Variants in TIAM2 observed in about 807,000 individuals in gnomAD.
TIAM2 encodes the protein rho guanine nucleotide exchange factor TIAM2.
In TIAM2, 80 loss-of-function variants were observed where a neutral mutation model predicts 152.9. The ratio of observed to expected loss-of-function variants is 0.52; its 90% CI spans 0.44 to 0.63. The LOEUF (loss-of-function observed/expected upper bound fraction) is 0.63, where lower values mean the gene tolerates loss of function less well. Ranked by LOEUF, TIAM2 falls within the 30% of genes least tolerant of loss-of-function variation. TIAM2 has a pLI of 0.00. For missense variants in TIAM2, 1,965 were observed against 2,120.1 expected, an observed-to-expected ratio of 0.93 and a Z score of 1.44; for synonymous variants, 804 against 838.0, an observed-to-expected ratio of 0.96 and a Z score of 0.70.
At position 155,125,544 on chromosome 6, in the gene TIAM2, G is replaced by T. The variant is rs542879808; in HGVS notation, c.-117-1946G>T. Among the ~76,000 whole-genome samples, 19 of 151,970 alleles carry T rather than the reference G, an allele frequency of 1.3e-4. No individual in the cohort carries two copies. The South Asian group carries it at 1.5e-3, about 12-fold the overall frequency. ...GAAAACAGTATGGCGGTTCTGTAAA[G>T]AATTAAAAATAGGGCTGGGCGCGGT... On this transcript the variant is annotated intron_variant, in intron 2 of 26. Transcript: ENST00000682666.
At chr6:155,203,268 C>G (rs2115192498) in intron 14 of TIAM2, among the ~76,000 whole-genome samples, 1 of 152,150 alleles carries the variant, frequency 6.6e-6, no homozygotes, top group Admixed American at 6.5e-5. Context: ...TTAATCTTTT[C>G]TTAAAATTAC....
intron 1 of TIAM2, among the ~76,000 whole-genome samples, chr6:155,089,265 T>G (rs1283952743): frequency 6.6e-6 from 1 of 152,088 alleles, no homozygotes; most frequent in African/African-American, 2.4e-5. Context: ...TCACCCAGGC[T>G]GGAGTGCAGT....
chr6:155,199,081 T>TC (rs397723073), intron 14 of TIAM2, among the ~76,000 whole-genome samples: 2 of 151,720 alleles, frequency 1.3e-5, no homozygotes, highest in Non-Finnish European at 2.9e-5. Flanking sequence ...TTTTTTTTTT[T>TC]AATTACAAAA....
intron 9 of TIAM2, among the ~76,000 whole-genome samples, chr6:155,167,801 T>C (rs1047193034): frequency 2.6e-5 from 4 of 152,202 alleles, no homozygotes; most frequent in Admixed American, 1.3e-4. Context: ...CGAGCACTTA[T>C]GTTTTGTGAA....
intron 1 of TIAM2, among the ~76,000 whole-genome samples, chr6:155,001,391 A>T (rs1055693893): frequency 6.6e-6 from 1 of 152,186 alleles, no homozygotes; most frequent in Non-Finnish European, 1.5e-5. Context: ...CATGCCCTTA[A>T]TTGTAAACAA....
chr6:155,187,460 C>T (rs112212165), intron 14 of TIAM2, among the ~76,000 whole-genome samples: 9 of 152,016 alleles, frequency 5.9e-5, no homozygotes, highest in African/African-American at 2.2e-4. Context: ...CTTCCTAGTG[C>T]CCAAGACTCA....
Position 155,248,165 on chromosome 6 carries a change from A to G in TIAM2, c.3818A>G (p.His1273Arg). ...VSLTDQESEE[H>R]YHLTEALKAM... The stretch of plus-strand genomic sequence containing the variant: ...CTGACGGACCAGGAGAGCGAGGAGC[A>G]CTACCACCTGACGGGTGAGGCGGCG... The change falls in exon 20 of 27, where the codon CAC becomes CGC. Residue 1273 changes from histidine to arginine, a missense_variant. Coordinates refer to ENST00000682666, the MANE Select transcript of TIAM2 (RefSeq NM_012454.4). 1.2e-6 allele frequency: 2 copies of G among 1,613,742 alleles called. No individual in the cohort carries two copies. The highest frequency in any genetic ancestry group is 2.2e-5 in the South Asian group (2 of 91,086).
At chr6:155,056,463 C>T (rs1583170735) in intron 1 of TIAM2, among the ~76,000 whole-genome samples, 5 of 151,830 alleles carry the variant, frequency 3.3e-5, no homozygotes, top group East Asian at 2.0e-4. Flanking sequence ...TGAGCCACCG[C>T]GCCTGGCCCT....
intron 1 of TIAM2, among the ~76,000 whole-genome samples, chr6:154,998,562 AT>A (rs1160107120): frequency 6.6e-6 from 1 of 152,144 alleles, no homozygotes; most frequent in Non-Finnish European, 1.5e-5. Context: ...ATCTGGTGGC[AT>A]TTTTCAAGCT....
Position 155,248,153 on chromosome 6 carries a change from A to G in TIAM2, c.3806A>G (p.Glu1269Gly), listed in dbSNP as rs1783441519. ...GAGCTGGTGTCCCTGACGGACCAGG[A>G]GAGCGAGGAGCACTACCACCTGACG... ...LKELVSLTDQ[E>G]SEEHYHLTEA... Residue 1269 changes from glutamate to glycine, a missense_variant, in exon 20 of 27, where the codon GAG (glutamate) becomes GGG (glycine). By Grantham distance (98) the Glu-to-Gly change is moderately conservative. This residue lies in a region of TIAM2 where 935 missense variants were observed against 980.0 expected (regional missense o/e 0.95). Coordinates refer to ENST00000682666, the MANE Select transcript of TIAM2 (RefSeq NM_012454.4). 1.2e-6 allele frequency: 2 copies of G among 1,613,978 alleles called. No homozygotes were observed. The highest frequency in any genetic ancestry group is 8.5e-7 in the Non-Finnish European group (1 of 1,180,010).
At chr6:155,029,447 AGTATATATT>A (rs1776755549) in intron 1 of TIAM2, among the ~76,000 whole-genome samples, 1 of 44,858 alleles carries the variant, frequency 2.2e-5, no homozygotes, top group East Asian at 4.0e-4. Context: ...ATTATACTAT[AGTATATATT>A]ATATATAATA....
chr6:155,015,212 A>G (rs1778552377), intron 1 of TIAM2, among the ~76,000 whole-genome samples: 1 of 152,028 alleles, frequency 6.6e-6, no homozygotes, highest in Non-Finnish European at 1.5e-5. Context: ...AAAAAATGAC[A>G]CTGGGCATTC....
chr6:155,130,244 G>T lies in TIAM2; in HGVS notation c.1021G>T (p.Val341Leu). The T allele has an allele frequency of 6.2e-7, 1 of 1,614,114 alleles. No individual in the cohort carries two copies. The highest frequency in any genetic ancestry group is 1.1e-5 in the South Asian group (1 of 91,080). Residue 341 changes from valine (V) to leucine (L), a missense_variant, in exon 4 of 27, where the codon GTG becomes TTG. This residue lies in a region of TIAM2 where 1,025 missense variants were observed against 1,119.4 expected (regional missense o/e 0.92). Transcript: ENST00000682666. Reference protein sequence around the residue: ...NRVSFASDIDVPSRVAHGDPI... With the variant: ...NRVSFASDIDLPSRVAHGDPI... Reference sequence around the variant, plus strand: ...TGTCTCTTTTGCTTCCGACATTGATGTGCCCTCCAGAGTGGCACACGGGGA... The same window carrying T: ...TGTCTCTTTTGCTTCCGACATTGATTTGCCCTCCAGAGTGGCACACGGGGA...
rs145582611 is a variant in TIAM2 at position 155,054,278 on chromosome 6, T to C, written c.-208-36011T>C. ...GTACTCTGTGCACTGATGTCATTTG[T>C]CCTCTAATCCTTCTCACCTTACAGG... is the stretch of plus-strand genomic sequence containing the variant. On this transcript the variant is annotated intron_variant, in intron 1 of 26. Transcript: ENST00000682666. Among the ~76,000 whole-genome samples the C allele has an allele frequency of 5.3e-5, 8 of 152,300 alleles. No individual in the cohort carries two copies. In the East Asian group the frequency reaches 1.4e-3, roughly 26 times the overall value.
At chr6:155,096,714 A>G (rs1778425767) in intron 2 of TIAM2, among the ~76,000 whole-genome samples, 1 of 152,210 alleles carries the variant, frequency 6.6e-6, no homozygotes, top group Non-Finnish European at 1.5e-5. Flanking sequence ...ATAATAATCC[A>G]TTATGTATAT....
At chr6:155,073,757 A>G (rs1367667247) in intron 1 of TIAM2, among the ~76,000 whole-genome samples, 1 of 152,212 alleles carries the variant, frequency 6.6e-6, no homozygotes, top group East Asian at 1.9e-4. Context: ...TACGATTTCT[A>G]CTTCAAACGT....
rs573010559 is a variant in TIAM2, at chr6:155,085,887, A to G, written c.-208-4402A>G. 2.3e-4 allele frequency among the ~76,000 whole-genome samples: 35 copies of G among 152,342 alleles called. No individual in the cohort carries two copies. In the South Asian group the frequency reaches 7.3e-3, roughly 32 times the overall value. On this transcript the variant is annotated intron_variant, in intron 1 of 26. Transcript: ENST00000682666. ...GCACTCTTTGTGTAAGCAAAAGCAT[A>G]GCATTGCTTGAGTTTTATTATAGAT...
intron 14 of TIAM2, among the ~76,000 whole-genome samples, chr6:155,194,499 T>G (rs1006558629): frequency 9.9e-5 from 15 of 151,992 alleles, no homozygotes; most frequent in African/African-American, 3.1e-4. Flanking sequence ...GGCTGAGAGG[T>G]GGGTGGCACA....
intron 1 of TIAM2, among the ~76,000 whole-genome samples, chr6:155,081,405 GAA>G (rs33989916): frequency 0.021 from 3,039 of 144,952 alleles, 106 homozygotes; most frequent in African/African-American, 0.07. Flanking sequence ...TGAGTCTTCT[GAA>G]AAAAAAAAAA....
Sources: allele counts gnomAD v4.1 joint callset (sites outside exome capture counted in the v4.1 genomes callset), GRCh38; gene constraint gnomAD v4.1.1; regional missense constraint gnomAD v4.1.1; transcripts MANE v1.5; gene names NCBI Gene and HGNC (gene_info 2026-07-23, HGNC 2026-07-21).